HDAC4: variants seen among roughly 807,000 people sequenced by gnomAD.
HDAC4 encodes the protein histone deacetylase A.
HDAC4 carries 16 observed loss-of-function variants against 135.1 expected under a neutral mutation model. That is an observed-to-expected ratio of 0.12 (90% CI 0.08 to 0.18). HDAC4 has a LOEUF of 0.18. Among genes scored for constraint, HDAC4 ranks in the 10% least tolerant of loss-of-function variants. HDAC4 has a pLI of 1.00. For synonymous variants in HDAC4, 685 were observed against 653.4 expected (o/e 1.05, Z -0.74); for missense variants, 1,143 against 1,511.8 (o/e 0.76, Z 4.05).
chr2:239,353,352 T>C (rs1168760068), intron 1 of HDAC4, among the ~76,000 whole-genome samples: 1 of 152,230 alleles, frequency 6.6e-6, no homozygotes, highest in Non-Finnish European at 1.5e-5. Flanking sequence ...CAAGGACTGA[T>C]AGAACAGTTC....
intron 2 of HDAC4, among the ~76,000 whole-genome samples, chr2:239,275,332 A>T (rs1362014006): frequency 1.3e-5 from 2 of 152,232 alleles, no homozygotes; most frequent in East Asian, 3.9e-4. Flanking sequence ...ATTGACGCAA[A>T]TCAAGAGGCA....
At chr2:239,066,097 G>T (rs1430904500) in intron 24 of HDAC4, among the ~76,000 whole-genome samples, 1 of 151,856 alleles carries the variant, frequency 6.6e-6, no homozygotes, top group Non-Finnish European at 1.5e-5. Context: ...CCGGGCCCCA[G>T]CGTCATGCTG....
chr2:239,235,383 T>C (rs750741446), intron 3 of HDAC4, among the ~76,000 whole-genome samples: 7 of 152,208 alleles, frequency 4.6e-5, no homozygotes, highest in Non-Finnish European at 8.8e-5. Context: ...TGGCTTCAAC[T>C]TCCTTTCGGG....
At chr2:239,084,332 G>GCAGA in intron 19 of HDAC4, 90 bp from the exon 20 acceptor site, 1 of 858,020 alleles carries the variant, frequency 1.2e-6, no homozygotes, top group Non-Finnish European at 1.9e-6. Context: ...CGGGGTCCAC[G>GCAGA]CAGACCTAAG....
intron 18 of HDAC4, among the ~76,000 whole-genome samples, chr2:239,088,425 C>G (rs1421344904): frequency 6.6e-6 from 1 of 152,248 alleles, no homozygotes; most frequent in South Asian, 2.1e-4. Flanking sequence ...CAAACGCTCT[C>G]AAGAGGCCCT....
At chr2:239,249,592 A>AAAATCC (rs1453799390) in intron 2 of HDAC4, among the ~76,000 whole-genome samples, 6 of 152,318 alleles carry the variant, frequency 3.9e-5, no homozygotes, top group African/African-American at 1.2e-4. Flanking sequence ...CAGGAAAAAA[A>AAAATCC]AAATCCAAAA....
At chr2:239,185,382 G>A (rs763893145) in intron 4 of HDAC4, among the ~76,000 whole-genome samples, 3 of 151,436 alleles carry the variant, frequency 2.0e-5, no homozygotes, top group Non-Finnish European at 3.0e-5. Context: ...TGCCCTGCAG[G>A]GGGTGCCCCA....
chr2:239,393,832 C>T (rs1696386228), intron 1 of HDAC4, among the ~76,000 whole-genome samples: 1 of 152,234 alleles, frequency 6.6e-6, no homozygotes, highest in Non-Finnish European at 1.5e-5. Flanking sequence ...GCCACTGCGT[C>T]TGGCACAGAG....
At chr2:239,204,052 T>C (rs575710172) in intron 3 of HDAC4, among the ~76,000 whole-genome samples, 1 of 152,252 alleles carries the variant, frequency 6.6e-6, no homozygotes, top group East Asian at 1.9e-4. Flanking sequence ...CTCTTCATAG[T>C]GTAGGAGAAT....
chr2:239,325,735 C>T (rs185149265), intron 2 of HDAC4, among the ~76,000 whole-genome samples: 4 of 152,186 alleles, frequency 2.6e-5, no homozygotes, highest in Admixed American at 1.3e-4. Flanking sequence ...GAGGCCGAGA[C>T]GGGTGGATCA....
At chr2:239,202,534 G>A (rs1021134295) in intron 3 of HDAC4, among the ~76,000 whole-genome samples, 9 of 152,112 alleles carry the variant, frequency 5.9e-5, no homozygotes, top group Non-Finnish European at 1.2e-4. Flanking sequence ...CAGGGCAACC[G>A]GAGCTCTGGG....
At chr2:239,336,143 T>C (rs1691920843) in intron 2 of HDAC4, among the ~76,000 whole-genome samples, 1 of 152,222 alleles carries the variant, frequency 6.6e-6, no homozygotes, top group South Asian at 2.1e-4. Context: ...TATTACGTGA[T>C]TTATATGACG....
chr2:239,243,184 G>A (rs576371923), intron 2 of HDAC4, among the ~76,000 whole-genome samples: 9 of 147,040 alleles, frequency 6.1e-5, no homozygotes, highest in Admixed American at 2.7e-4. Flanking sequence ...ACATTGTCTC[G>A]CTCTGTTGCC....
intron 1 of HDAC4, among the ~76,000 whole-genome samples, chr2:239,375,013 G>A (rs988320791): frequency 3.3e-5 from 5 of 152,186 alleles, no homozygotes; most frequent in Admixed American, 6.5e-5. Flanking sequence ...GCACCTGGAC[G>A]GGTGGGTGTG....
intron 3 of HDAC4, among the ~76,000 whole-genome samples, chr2:239,222,534 C>CAAAA (rs10716644): frequency 3.6e-5 from 4 of 112,248 alleles, no homozygotes; most frequent in Admixed American, 9.5e-5. Flanking sequence ...TACCCCATAC[C>CAAAA]AAAAAAAAAA....
At chr2:239,207,309 C>T (rs949773020) in intron 3 of HDAC4, among the ~76,000 whole-genome samples, 65 of 152,016 alleles carry the variant, frequency 4.3e-4, no homozygotes, top group African/African-American at 1.2e-3. Context: ...AACTGAAAGA[C>T]GAGATATATC....
intron 2 of HDAC4, among the ~76,000 whole-genome samples, chr2:239,250,621 G>A (rs999675502): frequency 5.9e-5 from 9 of 152,330 alleles, no homozygotes; most frequent in East Asian, 5.8e-4. Context: ...TGGGTTCAGC[G>A]TGCACTGGCA....
chr2:239,139,633 T>C lies in HDAC4; in HGVS notation c.978+51A>G, dbSNP rs1199345688. The C allele has an allele frequency of 1.7e-5, 26 of 1,509,374 alleles. No homozygotes were observed. Among genetic ancestry groups the C allele is most frequent in the Non-Finnish European group, 2.4e-5 (26 of 1,084,548 alleles). 93.5% of individuals were successfully genotyped at this position (1,509,374 alleles called of 1,614,324 possible). A position where few individuals can be genotyped will look rare whatever the true frequency, so the allele number is the denominator to read the frequency against. On this transcript the variant is annotated intron_variant, in intron 9 of 26. Coordinates refer to ENST00000543185, the MANE Select transcript of HDAC4 (RefSeq NM_001378414.1). The surrounding 1 kb of genome is among the most constrained non-coding windows in gnomAD (Gnocchi z 5.3). ...AGTGGGGTCATTTCAAGCTCATCCG[T>C]CCCGAGTCCGACTCTAGCCGTAGGA...
At chr2:239,250,736 G>A (rs186785124) in intron 2 of HDAC4, among the ~76,000 whole-genome samples, 16 of 152,320 alleles carry the variant, frequency 1.1e-4, no homozygotes, top group African/African-American at 3.4e-4. Flanking sequence ...CAGAAAGGAC[G>A]GTTTTCAGTG....
Sources: allele counts gnomAD v4.1 joint callset (sites outside exome capture counted in the v4.1 genomes callset), GRCh38; gene constraint gnomAD v4.1.1; non-coding constraint Gnocchi (gnomAD v3.1); transcripts MANE v1.5; gene names NCBI Gene and HGNC (gene_info 2026-07-23, HGNC 2026-07-21).